The following ELOVL5 variants were observed in gnomAD, a reference collection of about 807,000 sequenced individuals.
ELOVL5 encodes the protein very long chain fatty acid elongase 5.
A neutral mutation model predicts 38.6 loss-of-function variants in ELOVL5; 8 were observed. That is an observed-to-expected ratio of 0.21 (90% CI 0.12 to 0.37). The LOEUF is 0.37. Among genes scored for constraint, ELOVL5 ranks in the 10% least tolerant of loss-of-function variants. The pLI is 1.00. For synonymous variants in ELOVL5, 127 were observed against 133.7 expected (o/e 0.95, Z 0.34); for missense variants, 280 against 367.8 (o/e 0.76, Z 1.95).
chr6:53,317,833 A>AC (rs1350917984), intron 1 of ELOVL5, among the ~76,000 whole-genome samples: 2 of 129,032 alleles, frequency 1.6e-5, no homozygotes, highest in African/African-American at 7.0e-5. Flanking sequence ...ACAAAAAAAA[A>AC]TTAAAAAAAA....
At chr6:53,330,962 C>T (rs1768776880) in intron 1 of ELOVL5, among the ~76,000 whole-genome samples, 2 of 152,184 alleles carry the variant, frequency 1.3e-5, no homozygotes, top group Admixed American at 6.5e-5. Context: ...ACAATGTTTT[C>T]TTCAGGAATA....
intron 1 of ELOVL5, among the ~76,000 whole-genome samples, chr6:53,330,698 T>A (rs1768761795): frequency 6.6e-6 from 1 of 152,022 alleles, no homozygotes. Flanking sequence ...TTACAGACTT[T>A]TACATTTTAA....
intron 1 of ELOVL5, among the ~76,000 whole-genome samples, chr6:53,299,129 T>C (rs2127577289): frequency 6.6e-6 from 1 of 152,182 alleles, no homozygotes; most frequent in Non-Finnish European, 1.5e-5. Flanking sequence ...CCAGATATAG[T>C]AAAGCAAAAA....
chr6:53,283,030 C>T (rs1188677992), intron 3 of ELOVL5, among the ~76,000 whole-genome samples: 1 of 152,196 alleles, frequency 6.6e-6, no homozygotes, highest in Non-Finnish European at 1.5e-5. Flanking sequence ...AAATGCTCAA[C>T]TTCTTTCATC....
At chr6:53,324,513 A>C (rs552661178) in intron 1 of ELOVL5, among the ~76,000 whole-genome samples, 1 of 151,572 alleles carries the variant, frequency 6.6e-6, no homozygotes, top group African/African-American at 2.4e-5. Context: ...CCACCTCTAC[A>C]AAAAATAGGA....
At chr6:53,300,028 G>A (rs1227398661) in intron 1 of ELOVL5, among the ~76,000 whole-genome samples, 4 of 152,140 alleles carry the variant, frequency 2.6e-5, no homozygotes, top group Admixed American at 2.6e-4. Context: ...AGGGAGAAGG[G>A]GCAGGTAGAG....
chr6:53,297,481 T>C (rs1414190325), intron 1 of ELOVL5, among the ~76,000 whole-genome samples: 1 of 152,172 alleles, frequency 6.6e-6, no homozygotes, highest in African/African-American at 2.4e-5. Flanking sequence ...AATCATCTCT[T>C]TGTCCAGCGT....
At chr6:53,297,394 T>G (rs576316012) in intron 1 of ELOVL5, among the ~76,000 whole-genome samples, 55 of 152,308 alleles carry the variant, frequency 3.6e-4, no homozygotes, top group South Asian at 8.3e-4. Context: ...AAACAATTCA[T>G]AAGTTGTAGA....
chr6:53,280,783 TG>T (rs1283333707), intron 3 of ELOVL5, among the ~76,000 whole-genome samples: 1 of 152,152 alleles, frequency 6.6e-6, no homozygotes, highest in East Asian at 1.9e-4. Context: ...GTTGTAAAGA[TG>T]GGGTTTCACC....
chr6:53,348,635 C>T (rs548718447), intron 1 of ELOVL5, among the ~76,000 whole-genome samples, 182 bp downstream of exon 1: 6 of 152,330 alleles, frequency 3.9e-5, no homozygotes, highest in South Asian at 2.1e-4. Flanking sequence ...CCGGGCTGTA[C>T]CCCGGAGCCG....
intron 1 of ELOVL5, among the ~76,000 whole-genome samples, chr6:53,320,428 C>G (rs1170678997): frequency 6.6e-6 from 1 of 152,076 alleles, no homozygotes; most frequent in Non-Finnish European, 1.5e-5. Context: ...GCTCCTCCCC[C>G]TGGGTTCATG....
chr6:53,309,502 TC>T (rs1157078156), intron 1 of ELOVL5, among the ~76,000 whole-genome samples: 1 of 152,144 alleles, frequency 6.6e-6, no homozygotes, highest in Non-Finnish European at 1.5e-5. Context: ...CAAGCTTTCT[TC>T]AAGTAAATAC....
intron 1 of ELOVL5, among the ~76,000 whole-genome samples, chr6:53,305,306 A>G (rs74423351): frequency 6.4e-4 from 45 of 70,666 alleles, no homozygotes; most frequent in African/African-American, 9.3e-4. Context: ...CCTCCCGGAC[A>G]GGGCGGCTGG....
intron 1 of ELOVL5, among the ~76,000 whole-genome samples, chr6:53,304,733 AG>A (rs1280092818): frequency 6.6e-6 from 1 of 152,214 alleles, no homozygotes; most frequent in Non-Finnish European, 1.5e-5. Flanking sequence ...CAGAGAGCAC[AG>A]GGTTGGGGGT....
chr6:53,287,669 C>A lies in ELOVL5; in HGVS notation c.246+4107G>T, dbSNP rs190501602. Among the ~76,000 whole-genome samples the A allele has an allele frequency of 4.4e-3, 665 of 152,290 alleles. 8 individuals carry two copies. The highest frequency in any genetic ancestry group is 0.015 in the African/African-American group (642 of 41,552). On this transcript the variant is annotated intron_variant, in intron 3 of 7. Coordinates refer to ENST00000304434, the MANE Select transcript of ELOVL5 (RefSeq NM_021814.5). The stretch of plus-strand genomic sequence containing the variant: ...CAAAAGTGAGAGGGAGACTGCCAGG[C>A]AGAAGTGGGAGTTTTAAGGGGTAGA...
At chr6:53,314,918 T>C (rs542147696) in intron 1 of ELOVL5, among the ~76,000 whole-genome samples, 4 of 152,324 alleles carry the variant, frequency 2.6e-5, no homozygotes, top group South Asian at 4.1e-4. Flanking sequence ...AAAATTAATG[T>C]AACTACAGAA....
intron 1 of ELOVL5, among the ~76,000 whole-genome samples, chr6:53,304,834 A>T (rs1286188128): frequency 7.8e-6 from 1 of 128,782 alleles, no homozygotes; most frequent in Non-Finnish European, 1.6e-5. Context: ...TTCTTTCTAC[A>T]CAGCACAGCA....
At chr6:53,288,871 G>A (rs1027083241) in intron 3 of ELOVL5, among the ~76,000 whole-genome samples, 1 of 152,138 alleles carries the variant, frequency 6.6e-6, no homozygotes, top group Non-Finnish European at 1.5e-5. Flanking sequence ...TTCAAGACTA[G>A]CCTGGACAAC....
intron 3 of ELOVL5, chr6:53,277,885 A>T (rs1260461067): frequency 1.3e-5 from 2 of 152,234 alleles, no homozygotes; most frequent in African/African-American, 4.8e-5. Context: ...TTTCTACCCC[A>T]GGAGGGAACC....
Sources: gnomAD v4.1 joint callset for allele counts (sites outside exome capture counted in the v4.1 genomes callset) on GRCh38, gnomAD v4.1.1 for gene constraint, MANE v1.5 for transcripts, NCBI Gene and HGNC (gene_info 2026-07-23, HGNC 2026-07-21) for gene names.